TM9SF4: variants seen among roughly 807,000 people sequenced by gnomAD.
TM9SF4 encodes the protein dinucleotide oxidase disulfide thiol exchanger 3 superfamily member 4.
In TM9SF4, 26 loss-of-function variants were observed where a neutral mutation model predicts 90.4. That is an observed-to-expected ratio of 0.29 (90% CI 0.21 to 0.40). The LOEUF is 0.40. Among genes scored for constraint, TM9SF4 ranks in the 10% least tolerant of loss-of-function variants. The probability of loss-of-function intolerance (pLI) is 1.00; values close to 1 mark genes in which losing one functional copy is unlikely to be tolerated. For missense variants in TM9SF4, 549 were observed against 834.8 expected, an observed-to-expected ratio of 0.66 and a Z score of 4.22; for synonymous variants, 293 against 315.4, an observed-to-expected ratio of 0.93 and a Z score of 0.75.
intron 1 of TM9SF4, among the ~76,000 whole-genome samples, chr20:32,129,470 A>G (rs2046478298): frequency 6.6e-6 from 1 of 152,136 alleles, no homozygotes; most frequent in Non-Finnish European, 1.5e-5. Flanking sequence ...TCCACCCTGG[A>G]CAACAGAGTG....
At chr20:32,141,086 A>G (rs368848103) in intron 3 of TM9SF4, among the ~76,000 whole-genome samples, 16,577 of 151,618 alleles carry the variant, frequency 0.11, 1,145 homozygotes, top group East Asian at 0.17. Flanking sequence ...GCGTGGTGGC[A>G]TGCACCTGTA....
At chr20:32,132,912 G>A (rs2046540384) in intron 1 of TM9SF4, 101 bp from the exon 2 acceptor site, 3 of 1,008,746 alleles carry the variant, frequency 3.0e-6, no homozygotes, top group Non-Finnish European at 4.4e-6. Context: ...TGGCTACACT[G>A]GGTCAATTAA....
chr20:32,145,010 C>A, intron 6 of TM9SF4, 81 bp from the exon 7 acceptor site: 2 of 1,370,212 alleles, frequency 1.5e-6, no homozygotes, highest in Non-Finnish European at 2.1e-6. Context: ...CGACAGGCAG[C>A]CTTGAGGGCA....
At chr20:32,148,530 C>CAGCAT (rs1184144913) in intron 9 of TM9SF4, among the ~76,000 whole-genome samples, 20 of 152,140 alleles carry the variant, frequency 1.3e-4, no homozygotes, top group African/African-American at 4.8e-4. Flanking sequence ...CCAGCCAGGG[C>CAGCAT]AGCATAGGGA....
At chr20:32,163,106 C>T (rs556759283) in intron 17 of TM9SF4, among the ~76,000 whole-genome samples, 4 of 151,564 alleles carry the variant, frequency 2.6e-5, no homozygotes, top group African/African-American at 4.8e-5. Flanking sequence ...ATTAGCCGGG[C>T]GTGGTGGTGC....
chr20:32,136,746 G>A (rs1255691130), intron 3 of TM9SF4: 10 of 430,368 alleles, frequency 2.3e-5, no homozygotes, highest in Admixed American at 5.5e-5. Context: ...AATTTCAGGT[G>A]TAGAGGTGTC....
chr20:32,110,163 A>C, intron 1 of TM9SF4: 1 of 725,384 alleles, frequency 1.4e-6, no homozygotes, highest in Non-Finnish European at 1.8e-6. Context: ...CCCCACCATC[A>C]TAACCAGTCC....
intron 1 of TM9SF4, among the ~76,000 whole-genome samples, chr20:32,120,989 G>T (rs916278509): frequency 6.6e-5 from 10 of 152,126 alleles, no homozygotes; most frequent in African/African-American, 2.4e-4. Context: ...ACTTGGTCAT[G>T]ATGTATAAAC....
chr20:32,118,783 G>A (rs1030000080), intron 1 of TM9SF4, among the ~76,000 whole-genome samples: 14 of 152,006 alleles, frequency 9.2e-5, no homozygotes, highest in Admixed American at 2.0e-4. Context: ...CTACAGGCAA[G>A]CACCACCATT....
At chr20:32,150,933 T>G in intron 12 of TM9SF4, 58 bp downstream of exon 12, 2 of 1,588,326 alleles carry the variant, frequency 1.3e-6, no homozygotes, top group Non-Finnish European at 1.7e-6. Flanking sequence ...CTTCCTGGGC[T>G]CCTCAGGAGA....
chr20:32,126,120 AC>A (rs2046419163), intron 1 of TM9SF4, among the ~76,000 whole-genome samples: 1 of 142,496 alleles, frequency 7.0e-6, no homozygotes, highest in Admixed American at 7.1e-5. Flanking sequence ...AGCCAGAGTA[AC>A]CTTTAAAACT....
chr20:32,110,062 C>T, intron 1 of TM9SF4: 1 of 1,334,890 alleles, frequency 7.5e-7, no homozygotes, highest in South Asian at 1.6e-5. Context: ...TTCCATTTCT[C>T]ACCTCCCTGT....
At chr20:32,155,688 G>A (rs73906759) in intron 13 of TM9SF4, among the ~76,000 whole-genome samples, 2,219 of 152,282 alleles carry the variant, frequency 0.015, 48 homozygotes, top group African/African-American at 0.049. Context: ...TCACTGAGGA[G>A]GATTTTGAAC....
At position 32,145,139 on chromosome 20, in the gene TM9SF4, A is replaced by G. The variant is rs2046744045; in HGVS notation, c.701A>G (p.Asn234Ser). The change falls in exon 7 of 18, where the codon AAC (asparagine) becomes AGC (serine). Residue 234 changes from asparagine to serine, a missense_variant. Physicochemically the swap from Asn to Ser is conservative, Grantham distance 46. Around this residue, in one of 2 missense-constraint regions of TM9SF4, gnomAD observed 495 missense variants for 711.7 expected, o/e 0.70. Coordinates refer to ENST00000398022, the MANE Select transcript of TM9SF4 (RefSeq NM_014742.4). ...KSSCTLPEGT[N>S]SSPQEIDPTK... ...TCGTGCACTCTGCCTGAGGGTACCA[A>G]CTCCTCGCCCCAAGAAATTGACCCC... The G allele has an allele frequency of 2.5e-6, 4 of 1,613,764 alleles. No homozygotes were observed. The highest frequency in any genetic ancestry group is 3.3e-5 in the Admixed American group (2 of 59,966).
At chr20:32,161,504 TC>T in intron 17 of TM9SF4, 139 bp downstream of exon 17, 1 of 674,506 alleles carries the variant, frequency 1.5e-6, no homozygotes, top group Non-Finnish European at 2.5e-6. Flanking sequence ...CTAGAACTGT[TC>T]CTGCTCTAGA....
chr20:32,151,443 CGAGTG>C lies in TM9SF4; in HGVS notation c.1245+569_1245+573del, dbSNP rs1161980505. On this transcript the variant is annotated intron_variant, in intron 12 of 17. Coordinates refer to ENST00000398022, the MANE Select transcript of TM9SF4 (RefSeq NM_014742.4). ...GATCCCCGAGCCCCTTCTCCTAGAG[CGAGTG>C]AGTCTCTTAGAGGACTAGGAAGACT... Among the ~76,000 whole-genome samples, 7 of 151,978 alleles carry C rather than the reference CGAGTG, an allele frequency of 4.6e-5. No homozygotes were observed. The South Asian group carries it at 6.2e-4, about 14-fold the overall frequency.
chr20:32,154,452 G>A (rs2046888273), intron 12 of TM9SF4, among the ~76,000 whole-genome samples: 1 of 151,068 alleles, frequency 6.6e-6, no homozygotes. Context: ...TAGTTAACGT[G>A]TTCTTTTTTT....
chr20:32,157,914 A>G lies in TM9SF4; in HGVS notation c.1450A>G (p.Asn484Asp). The G allele has an allele frequency of 6.2e-7, 1 of 1,614,066 alleles. No homozygotes were observed. The highest frequency in any genetic ancestry group is 8.5e-7 in the Non-Finnish European group (1 of 1,180,006). ...GCCATATGACAACCCTGTGCGCACC[A>G]ACCAGATTCCCCGGCAGATCCCCGA... The part of the protein sequence containing the change: ...KQPYDNPVRT[N>D]QIPRQIPEQR... Residue 484 changes from asparagine (N) to aspartate (D), a missense_variant, in exon 14 of 18, where the codon AAC becomes GAC. Transcript: ENST00000398022.
At position 32,165,554 on chromosome 20, in the gene TM9SF4, T is replaced by A; in HGVS notation, c.*110T>A. The A allele has an allele frequency of 7.6e-7, 1 of 1,318,224 alleles. No individual in the cohort carries two copies. 81.7% of individuals were successfully genotyped at this position (1,318,224 alleles called of 1,614,324 possible). ...AACTCCTGCTCGTTTGGAATGTAAC[T>A]CCTGGCACAGTGTTCCTGGATCCTG... is the stretch of plus-strand genomic sequence containing the variant. On this transcript the variant is annotated 3_prime_UTR_variant, in exon 18 of 18. Coordinates refer to ENST00000398022, the MANE Select transcript of TM9SF4 (RefSeq NM_014742.4).
Sources: gnomAD v4.1 joint callset for allele counts (sites outside exome capture counted in the v4.1 genomes callset) on GRCh38, gnomAD v4.1.1 for gene constraint, gnomAD v4.1.1 regional missense constraint, MANE v1.5 for transcripts, NCBI Gene and HGNC (gene_info 2026-07-23, HGNC 2026-07-21) for gene names.